Variants in ZCCHC2 observed in about 807,000 individuals in gnomAD.
ZCCHC2 encodes zinc finger CCHC-type containing 2, also known as zinc finger CCHC domain-containing protein 2.
A neutral mutation model predicts 103.6 loss-of-function variants in ZCCHC2; 39 were observed. The ratio of observed to expected loss-of-function variants is 0.38; its 90% confidence interval spans 0.29 to 0.49. ZCCHC2 has a LOEUF of 0.49. ZCCHC2 is among the 20% of genes least tolerant of loss of function. The pLI, the probability that ZCCHC2 is intolerant of heterozygous loss-of-function variation, is 0.96. For synonymous variants in ZCCHC2, 687 were observed against 608.9 expected (o/e 1.13, Z -1.89); for missense variants, 1,483 against 1,491.0 (o/e 0.99, Z 0.09).
chr18:62,583,004 T>A (rs1225029476), downstream of ZCCHC2, among the ~76,000 whole-genome samples: 1 of 152,144 alleles, frequency 6.6e-6, no homozygotes. Flanking sequence ...CTCAGGAGGC[T>A]GAGGCAGGAA....
intron 8 of ZCCHC2, 52 bp downstream of exon 8, chr18:62,560,696 A>G (rs981023649): frequency 2.1e-5 from 29 of 1,395,942 alleles, no homozygotes; most frequent in East Asian, 9.3e-5. Context: ...TTTAAAATCA[A>G]TGTAACATTT....
intron 1 of ZCCHC2, among the ~76,000 whole-genome samples, chr18:62,531,773 C>T (rs1039021931): frequency 1.2e-4 from 17 of 144,032 alleles, no homozygotes; most frequent in African/African-American, 3.4e-4. Context: ...TTAGTGAGAT[C>T]CCCATCTCTA....
At chr18:62,567,004 G>A (rs914556093) in intron 11 of ZCCHC2, among the ~76,000 whole-genome samples, 2 of 152,082 alleles carry the variant, frequency 1.3e-5, no homozygotes, top group South Asian at 2.1e-4. Flanking sequence ...CAAGTGTTAT[G>A]AAAATAACAA....
intron 7 of ZCCHC2, 73 bp from the exon 8 acceptor site, chr18:62,560,514 A>G (rs1324510045): frequency 8.0e-7 from 1 of 1,246,092 alleles, no homozygotes; most frequent in East Asian, 2.3e-5. Flanking sequence ...ATGATCATAC[A>G]AACTAGTAGC....
At chr18:62,562,518 C>A (rs182065060) in intron 8 of ZCCHC2, among the ~76,000 whole-genome samples, 12 of 152,056 alleles carry the variant, frequency 7.9e-5, no homozygotes, top group African/African-American at 2.7e-4. Context: ...AATTTCTCTT[C>A]CAAAATCCTC....
chr18:62,549,569 T>A (rs9957437), intron 4 of ZCCHC2, among the ~76,000 whole-genome samples: 20,931 of 152,284 alleles, frequency 0.14, 1,739 homozygotes, highest in African/African-American at 0.22. Context: ...AAAGTGCCAG[T>A]AATAGGACAG....
chr18:62,547,819 A>C (rs115701790), intron 4 of ZCCHC2, among the ~76,000 whole-genome samples: 1 of 151,920 alleles, frequency 6.6e-6, no homozygotes, highest in Non-Finnish European at 1.5e-5. Flanking sequence ...ACCTTGGCCA[A>C]ATGTGCTGGG....
exon 15 of ZCCHC2, chr18:62,584,676 G>A (rs986861228): frequency 6.6e-6 from 1 of 152,242 alleles, no homozygotes; most frequent in Non-Finnish European, 1.5e-5. Flanking sequence ...AAAGCAGCTT[G>A]AGCAAACCCC....
At chr18:62,540,126 T>C (rs1915111426) in intron 2 of ZCCHC2, among the ~76,000 whole-genome samples, 1 of 152,208 alleles carries the variant, frequency 6.6e-6, no homozygotes, top group Admixed American at 6.5e-5. Flanking sequence ...TTGAGCTCAG[T>C]GTCTACTGAG....
chr18:62,534,867 T>A (rs76631932), intron 1 of ZCCHC2, among the ~76,000 whole-genome samples: 60 of 152,386 alleles, frequency 3.9e-4, no homozygotes, highest in Middle Eastern at 3.4e-3. Flanking sequence ...CATTCTATAA[T>A]AACTAGTGGT....
At chr18:62,534,172 A>G (rs1441377787) in intron 1 of ZCCHC2, among the ~76,000 whole-genome samples, 3 of 152,096 alleles carry the variant, frequency 2.0e-5, no homozygotes, top group South Asian at 2.1e-4. Context: ...TTAGCCTGGC[A>G]TGGTGGTACA....
chr18:62,530,768 G>T (rs1914640571), intron 1 of ZCCHC2, among the ~76,000 whole-genome samples: 1 of 152,162 alleles, frequency 6.6e-6, no homozygotes, highest in Non-Finnish European at 1.5e-5. Flanking sequence ...CCTCGTATTG[G>T]ATTTGGGGAT....
chr18:62,575,691 T>C, intron 13 of ZCCHC2, 141 bp downstream of exon 13: 1 of 1,081,296 alleles, frequency 9.2e-7, no homozygotes, highest in South Asian at 1.7e-5. Context: ...TGACAGATCA[T>C]AAAATGCAAC....
At chr18:62,562,985 C>G in intron 8 of ZCCHC2, 24 bp from the exon 9 acceptor site, 3 of 1,591,528 alleles carry the variant, frequency 1.9e-6, no homozygotes, top group Non-Finnish European at 2.6e-6. Flanking sequence ...GATTTTCACA[C>G]TTTCATAAAC....
Position 62,577,810 on chromosome 18 carries a change from A to G in ZCCHC2, c.*1231A>G, listed in dbSNP as rs1038881575. On this transcript the variant is annotated 3_prime_UTR_variant, in exon 14 of 14. Transcript: ENST00000269499. ...CTATGTACTAAATTGCTTCCAGGTAATTTTTGATTTCCTAAAGTGCACTGA... is the reference window on the plus strand; with the variant it reads ...CTATGTACTAAATTGCTTCCAGGTAGTTTTTGATTTCCTAAAGTGCACTGA... 1 of 152,426 alleles carries G rather than the reference A, an allele frequency of 6.6e-6. No individual in the cohort carries two copies. The highest frequency in any genetic ancestry group is 2.4e-5 in the African/African-American group (1 of 41,374). 9.4% of individuals were successfully genotyped at this position (152,426 alleles called of 1,614,324 possible). A position where few individuals can be genotyped will look rare whatever the true frequency, so the allele number is the denominator to read the frequency against.
In ZCCHC2 at chr18:62,575,516, C is replaced by T; in HGVS notation, c.3435C>T (p.Asp1145=). The change falls in exon 13 of 14, where the codon GAC becomes GAT. Residue 1145 remains aspartate, a synonymous_variant. Transcript: ENST00000269499. ...GTGTAAGCGGACACTATGCACAGGA[C>T]TGTAAGCAGTCGTCCATGGAGGCCA... is the stretch of plus-strand genomic sequence containing the variant. ...NCGVSGHYAQ[D]CKQSSMEANQ... 2 of 1,613,986 alleles carry T rather than the reference C, an allele frequency of 1.2e-6. No homozygotes were observed. The highest frequency in any genetic ancestry group is 1.7e-6 in the Non-Finnish European group (2 of 1,179,848).
chr18:62,537,203 G>A (rs771371722), intron 1 of ZCCHC2, among the ~76,000 whole-genome samples: 5 of 152,076 alleles, frequency 3.3e-5, no homozygotes, highest in Non-Finnish European at 7.4e-5. Flanking sequence ...TTTAGAGACA[G>A]GGTCTTGCCC....
intron 12 of ZCCHC2, among the ~76,000 whole-genome samples, chr18:62,573,100 T>C (rs10503075): frequency 0.77 from 117,043 of 152,066 alleles, 46,224 homozygotes; most frequent in East Asian, 1. Context: ...AACTTTTTAA[T>C]ATCTGAAGCT....
chr18:62,565,056 A>G lies in ZCCHC2; in HGVS notation c.1806A>G (p.Arg602=), dbSNP rs1916292093. ...TGAATAGTAGAATAAATGGTATTAGACTCTCCACTCCTCAGCATGCCCATG... is the reference window on the plus strand; with the variant it reads ...TGAATAGTAGAATAAATGGTATTAGGCTCTCCACTCCTCAGCATGCCCATG... ...NRLNSRINGI[R]LSTPQHAHGG... The change falls in exon 11 of 14, where the codon AGA becomes AGG. Residue 602 remains arginine (R), a synonymous_variant. Coordinates refer to ENST00000269499, the MANE Select transcript of ZCCHC2 (RefSeq NM_017742.6). 1 of 1,613,520 alleles carries G rather than the reference A, an allele frequency of 6.2e-7. No homozygotes were observed. Among genetic ancestry groups the G allele is most frequent in the Non-Finnish European group, 8.5e-7 (1 of 1,179,658 alleles).
Sources: gnomAD v4.1 joint callset for allele counts (sites outside exome capture counted in the v4.1 genomes callset) on GRCh38, gnomAD v4.1.1 for gene constraint, MANE v1.5 for transcripts, NCBI Gene and HGNC (gene_info 2026-07-23, HGNC 2026-07-21) for gene names.